L3MBTL3: variants seen among roughly 807,000 people sequenced by gnomAD.
L3MBTL3 encodes the protein lethal(3)malignant brain tumor-like protein 3.
A neutral mutation model predicts 102.3 loss-of-function variants in L3MBTL3; 27 were observed. The ratio of observed to expected loss-of-function variants is 0.26; its 90% CI spans 0.19 to 0.36. L3MBTL3 has a LOEUF of 0.36. Among genes scored for constraint, L3MBTL3 ranks in the 10% least tolerant of loss-of-function variants. The pLI is 1.00. For synonymous variants in L3MBTL3, 340 were observed against 320.9 expected (o/e 1.06, Z -0.64); for missense variants, 798 against 955.3 (o/e 0.84, Z 2.17).
chr6:130,045,052 A>G (rs1045713999), intron 3 of L3MBTL3, among the ~76,000 whole-genome samples: 5 of 152,152 alleles, frequency 3.3e-5, no homozygotes, highest in South Asian at 2.1e-4. Flanking sequence ...GTATGCCTCA[A>G]TTTTTGCTGT....
chr6:130,127,097 A>G (rs773121236), intron 20 of L3MBTL3, among the ~76,000 whole-genome samples: 1 of 152,326 alleles, frequency 6.6e-6, no homozygotes, highest in South Asian at 2.1e-4. Flanking sequence ...TGGTCTTACT[A>G]TGTAGATAAT....
At chr6:130,136,568 G>A (rs113784095) in intron 22 of L3MBTL3, among the ~76,000 whole-genome samples, 2,409 of 151,714 alleles carry the variant, frequency 0.016, 30 homozygotes, top group Middle Eastern at 0.058. Flanking sequence ...ATGCATCCCT[G>A]CTCCTGCTGC....
chr6:130,088,933 A>C (rs886945169), intron 16 of L3MBTL3, among the ~76,000 whole-genome samples: 4 of 151,860 alleles, frequency 2.6e-5, no homozygotes, highest in Middle Eastern at 6.8e-3. Flanking sequence ...TCTCCTTGTG[A>C]CTATTTTTTT....
At chr6:130,098,163 G>C (rs970963893) in intron 18 of L3MBTL3, among the ~76,000 whole-genome samples, 2 of 152,172 alleles carry the variant, frequency 1.3e-5, no homozygotes, top group African/African-American at 2.4e-5. Flanking sequence ...CAAGAAAAGA[G>C]AAAGGAATGT....
rs916522159 is a variant in L3MBTL3, at chr6:130,035,898, CA to C, written c.-15-6778del. Among the ~76,000 whole-genome samples, 7 of 150,830 alleles carry C rather than the reference CA, an allele frequency of 4.6e-5. No individual in the cohort carries two copies. In the South Asian group the frequency reaches 8.4e-4, roughly 18 times the overall value. Reference sequence around the variant, plus strand: ...CTTAGGAAATCTCAGCACCATTTAACAAAAAAAAATTGTGATGGGGTTTTCT... The same window carrying C: ...CTTAGGAAATCTCAGCACCATTTAACAAAAAAAATTGTGATGGGGTTTTCT... On this transcript the variant is annotated intron_variant, in intron 2 of 22. Coordinates refer to ENST00000361794, the MANE Select transcript of L3MBTL3 (RefSeq NM_032438.4).
chr6:130,131,309 A>G (rs996545555), intron 20 of L3MBTL3, among the ~76,000 whole-genome samples: 5 of 152,216 alleles, frequency 3.3e-5, no homozygotes, highest in Non-Finnish European at 7.3e-5. Context: ...TACACCCACT[A>G]AACGGTTAAA....
chr6:130,045,786 C>T (rs1478792745), intron 3 of L3MBTL3, among the ~76,000 whole-genome samples: 1 of 152,088 alleles, frequency 6.6e-6, no homozygotes, highest in Non-Finnish European at 1.5e-5. Context: ...ATGTAGGAGT[C>T]TCCATGAATA....
At chr6:130,080,801 A>G (rs1783290674) in intron 14 of L3MBTL3, among the ~76,000 whole-genome samples, 1 of 152,220 alleles carries the variant, frequency 6.6e-6, no homozygotes, top group Non-Finnish European at 1.5e-5. Context: ...ATATTTTGCC[A>G]CTATTAAAAA....
chr6:130,088,970 A>C (rs1783862485), intron 16 of L3MBTL3, among the ~76,000 whole-genome samples: 1 of 151,862 alleles, frequency 6.6e-6, no homozygotes, highest in Non-Finnish European at 1.5e-5. Context: ...TTCATAGTTT[A>C]GTTTTTTTGT....
Position 130,094,795 on chromosome 6 carries a change from A to G in L3MBTL3, c.1736+428A>G, listed in dbSNP as rs561890679. Among the ~76,000 whole-genome samples, 10 of 152,328 alleles carry G rather than the reference A, an allele frequency of 6.6e-5. No homozygotes were observed. The South Asian group carries it at 1.9e-3, about 28-fold the overall frequency. On this transcript the variant is annotated intron_variant, in intron 18 of 22. Coordinates refer to ENST00000361794, the MANE Select transcript of L3MBTL3 (RefSeq NM_032438.4). ...GCAAAGATCACAAAATGCACAATATAAATAGTCAAACATGAGAGTGCATTG... is the reference window on the plus strand; with the variant it reads ...GCAAAGATCACAAAATGCACAATATGAATAGTCAAACATGAGAGTGCATTG...
intron 16 of L3MBTL3, among the ~76,000 whole-genome samples, chr6:130,088,554 A>G (rs1484761750): frequency 6.6e-6 from 1 of 152,152 alleles, no homozygotes; most frequent in Non-Finnish European, 1.5e-5. Flanking sequence ...TTATAGTAAA[A>G]CATTTTAAAT....
At chr6:130,086,413 T>C (rs1042279293) in intron 16 of L3MBTL3, among the ~76,000 whole-genome samples, 163 bp downstream of exon 16, 4 of 152,222 alleles carry the variant, frequency 2.6e-5, no homozygotes, top group African/African-American at 7.2e-5. Flanking sequence ...TCTTCCAGGT[T>C]TGTCCTTTAA....
At chr6:130,087,594 G>A (rs1783770787) in intron 16 of L3MBTL3, among the ~76,000 whole-genome samples, 1 of 152,082 alleles carries the variant, frequency 6.6e-6, no homozygotes, top group South Asian at 2.1e-4. Context: ...CAAAATCGTA[G>A]AATGTTGTTT....
chr6:130,059,896 T>G, intron 9 of L3MBTL3, 140 bp from the exon 10 acceptor site: 1 of 564,960 alleles, frequency 1.8e-6, no homozygotes, highest in Non-Finnish European at 3.1e-6. Context: ...CAGTGGGTTA[T>G]TTATTGATTT....
chr6:130,080,360 T>C (rs1783253261), intron 14 of L3MBTL3, among the ~76,000 whole-genome samples: 1 of 152,208 alleles, frequency 6.6e-6, no homozygotes, highest in South Asian at 2.1e-4. Flanking sequence ...TTGTCTGTCC[T>C]GCGGCTTACA....
chr6:130,019,101 C>T (rs1343807310), intron 1 of L3MBTL3, among the ~76,000 whole-genome samples: 5 of 151,366 alleles, frequency 3.3e-5, no homozygotes, highest in Non-Finnish European at 7.4e-5. Flanking sequence ...GAGGCGGCCG[C>T]GTTGGGCTCA....
intron 1 of L3MBTL3, among the ~76,000 whole-genome samples, chr6:130,021,405 G>A (rs564980838): frequency 8.9e-4 from 136 of 152,324 alleles, no homozygotes; most frequent in African/African-American, 3.2e-3. Flanking sequence ...GAATTCTGAG[G>A]ACTCAGACCC....
Position 130,057,609 on chromosome 6 carries a change from A to G in L3MBTL3, c.759+112A>G, listed in dbSNP as rs573346188. 4.4e-5 allele frequency: 39 copies of G among 888,924 alleles called. No individual in the cohort carries two copies. In the African/African-American group the frequency reaches 6.3e-4, roughly 14 times the overall value. 55.1% of individuals were successfully genotyped at this position (888,924 alleles called of 1,614,324 possible). ...TGACTTGGGATCATTTTCTCAGCATACAGTTTTCATGCGTGTGTTTATATG... is the reference window on the plus strand; with the variant it reads ...TGACTTGGGATCATTTTCTCAGCATGCAGTTTTCATGCGTGTGTTTATATG... On this transcript the variant is annotated intron_variant, in intron 9 of 22. Coordinates refer to ENST00000361794, the MANE Select transcript of L3MBTL3 (RefSeq NM_032438.4).
chr6:130,045,048 C>T (rs2114715062), intron 3 of L3MBTL3, among the ~76,000 whole-genome samples: 1 of 152,224 alleles, frequency 6.6e-6, no homozygotes, highest in Non-Finnish European at 1.5e-5. Context: ...TTTTGTATGC[C>T]TCAATTTTTG....
Sources: gnomAD v4.1 joint callset for allele counts (sites outside exome capture counted in the v4.1 genomes callset) on GRCh38, gnomAD v4.1.1 for gene constraint, MANE v1.5 for transcripts, NCBI Gene and HGNC (gene_info 2026-07-23, HGNC 2026-07-21) for gene names.